The following RANBP9 variants were observed in gnomAD, a reference collection of about 807,000 sequenced individuals.
RANBP9 encodes RAN binding protein 9.
A neutral mutation model predicts 84.3 loss-of-function variants in RANBP9; 15 were observed. The observed-to-expected ratio is 0.18, with a 90% CI of 0.12 to 0.27. The LOEUF (loss-of-function observed/expected upper bound fraction) is 0.27. RANBP9 is among the 10% of genes least tolerant of loss of function. The pLI is 1.00. For synonymous variants in RANBP9, 392 were observed against 349.6 expected (o/e 1.12, Z -1.35); for missense variants, 809 against 912.8 (o/e 0.89, Z 1.46).
In RANBP9 at chr6:13,656,401, TAA is replaced by T. The variant is rs3839575; in HGVS notation, c.904+706_904+707del. Among the ~76,000 whole-genome samples, 13 of 149,008 alleles carry T rather than the reference TAA, an allele frequency of 8.7e-5. 1 individual carries two copies. Among genetic ancestry groups the T allele is most frequent in the Non-Finnish European group, 1.3e-4 (9 of 67,060 alleles). ...ATTATCCTTTATATTTTCTATAGTTTAAAAAAAAAAACTTCTAAGAAAATGGA... is the reference window on the plus strand; with the variant it reads ...ATTATCCTTTATATTTTCTATAGTTTAAAAAAAAACTTCTAAGAAAATGGA... On this transcript the variant is annotated intron_variant, in intron 4 of 13. Transcript: ENST00000011619.
intron 2 of RANBP9, among the ~76,000 whole-genome samples, chr6:13,690,951 G>A (rs1766309753): frequency 1.3e-5 from 2 of 152,076 alleles, no homozygotes; most frequent in African/African-American, 4.8e-5. Flanking sequence ...GGATCATTTT[G>A]AGGTCAGGAG....
chr6:13,680,935 C>T (rs1216692501), intron 2 of RANBP9, among the ~76,000 whole-genome samples: 1 of 151,880 alleles, frequency 6.6e-6, no homozygotes, highest in East Asian at 1.9e-4. Context: ...AAAAAATCCT[C>T]GAAGTATCTT....
Position 13,652,680 on chromosome 6 carries a change from A to T in RANBP9, c.906T>A (p.Gly302=). Residue 302 remains glycine (G), a splice_region_variant and synonymous_variant, in exon 5 of 14, where the codon GGT becomes GGA. Coordinates refer to ENST00000011619, the MANE Select transcript of RANBP9 (RefSeq NM_005493.3). The part of the protein sequence containing the change: ...CFYTKNGHSL[G]IAFTDLPPNL... ...TTACCGGTAGGTCAGTGAAAGCAATACCTAAAAAGAAAAAAAAAAGTGGCA... is the reference window on the plus strand; with the variant it reads ...TTACCGGTAGGTCAGTGAAAGCAATTCCTAAAAAGAAAAAAAAAAGTGGCA... 1 of 1,596,780 alleles carries T rather than the reference A, an allele frequency of 6.3e-7. No homozygotes were observed. The highest frequency in any genetic ancestry group is 8.6e-7 in the Non-Finnish European group (1 of 1,168,256).
At chr6:13,624,513 C>CT (rs1188993491) in intron 13 of RANBP9, among the ~76,000 whole-genome samples, 9 of 152,288 alleles carry the variant, frequency 5.9e-5, no homozygotes, top group Admixed American at 2.0e-4. Flanking sequence ...AAAACTCACT[C>CT]TTTATATAAA....
chr6:13,627,421 G>A (rs1481742501), intron 12 of RANBP9, among the ~76,000 whole-genome samples: 1 of 152,022 alleles, frequency 6.6e-6, no homozygotes, highest in Admixed American at 6.5e-5. Flanking sequence ...TTTGAGGCCA[G>A]GAGTTCAAGA....
intron 12 of RANBP9, among the ~76,000 whole-genome samples, chr6:13,631,477 G>A (rs79929076): frequency 0.017 from 2,544 of 152,132 alleles, 75 homozygotes; most frequent in African/African-American, 0.056. Flanking sequence ...GTATCATGTC[G>A]GCACTCTTAA....
In RANBP9 at chr6:13,633,864, A is replaced by G. The variant is rs560311131; in HGVS notation, c.1795+567T>C. 8.5e-5 allele frequency among the ~76,000 whole-genome samples: 13 copies of G among 152,274 alleles called. No homozygotes were observed. In the East Asian group the frequency reaches 9.6e-4, roughly 11 times the overall value. On this transcript the variant is annotated intron_variant, in intron 11 of 13. Transcript: ENST00000011619. ...GGGATAGTTTGCTGATGGGACAGGC[A>G]ATTTACTACTTAAGTTGTCTACAAA...
intron 2 of RANBP9, among the ~76,000 whole-genome samples, chr6:13,685,336 A>G (rs887182718): frequency 1.3e-5 from 2 of 152,236 alleles, no homozygotes. Context: ...TTAATCTCAT[A>G]GAAGAATGCT....
chr6:13,624,456 T>TA (rs1764544007), intron 13 of RANBP9, among the ~76,000 whole-genome samples: 1 of 152,288 alleles, frequency 6.6e-6, no homozygotes, highest in South Asian at 2.1e-4. Context: ...ACTTCTAAAC[T>TA]AGACTGGAGT....
chr6:13,625,168 G>T (rs1164042423), intron 13 of RANBP9, among the ~76,000 whole-genome samples: 1 of 152,078 alleles, frequency 6.6e-6, no homozygotes, highest in Non-Finnish European at 1.5e-5. Context: ...CCTAACTCTT[G>T]TGACAATTAT....
At chr6:13,640,863 T>C (rs527709443) in intron 8 of RANBP9, among the ~76,000 whole-genome samples, 1 of 152,266 alleles carries the variant, frequency 6.6e-6, no homozygotes, top group South Asian at 2.1e-4. Context: ...ATTTTATGTA[T>C]ATTTTACCAC....
intron 2 of RANBP9, among the ~76,000 whole-genome samples, chr6:13,684,666 T>C (rs1157044135): frequency 6.6e-6 from 1 of 152,192 alleles, no homozygotes; most frequent in Non-Finnish European, 1.5e-5. Flanking sequence ...TATCTATGTG[T>C]AGGATGACAC....
intron 2 of RANBP9, among the ~76,000 whole-genome samples, chr6:13,675,251 A>G (rs1214095901): frequency 1.3e-5 from 2 of 152,204 alleles, no homozygotes; most frequent in African/African-American, 4.8e-5. Flanking sequence ...TCACCAAAAC[A>G]GAACACATTC....
At chr6:13,683,210 G>A (rs1352884623) in intron 2 of RANBP9, among the ~76,000 whole-genome samples, 1 of 152,120 alleles carries the variant, frequency 6.6e-6, no homozygotes. Flanking sequence ...AAAAGGTCTA[G>A]GACCAACAGA....
intron 2 of RANBP9, among the ~76,000 whole-genome samples, chr6:13,664,060 T>A (rs931799093): frequency 2.6e-5 from 4 of 151,948 alleles, no homozygotes; most frequent in African/African-American, 4.8e-5. Flanking sequence ...ATAAAATGCA[T>A]AAAAATCAAA....
rs1315200123 is a variant in RANBP9 at position 13,708,714 on chromosome 6, A to C, written c.571+2221T>G. Among the ~76,000 whole-genome samples, 5 of 152,094 alleles carry C rather than the reference A, an allele frequency of 3.3e-5. No homozygotes were observed. In the South Asian group the frequency reaches 1.0e-3, roughly 32 times the overall value. On this transcript the variant is annotated intron_variant, in intron 1 of 13. Transcript: ENST00000011619. Reference sequence around the variant, plus strand: ...TAAAGTATTATCTACTCTCTATGATACTTCTCCTTTGCTACTGCTACTGCT... The same window carrying C: ...TAAAGTATTATCTACTCTCTATGATCCTTCTCCTTTGCTACTGCTACTGCT...
intron 2 of RANBP9, among the ~76,000 whole-genome samples, chr6:13,681,977 G>C (rs1463083273): frequency 6.6e-6 from 1 of 152,002 alleles, no homozygotes; most frequent in Non-Finnish European, 1.5e-5. Context: ...TCCTGCCTCA[G>C]CCTCCTGAGT....
intron 8 of RANBP9, 104 bp downstream of exon 8, chr6:13,641,095 C>T (rs945823846): frequency 5.3e-5 from 38 of 711,438 alleles, no homozygotes; most frequent in Non-Finnish European, 7.2e-5. Context: ...ACTTGAAAAA[C>T]GAAAAAAACT....
At chr6:13,625,283 A>G (rs536604682) in intron 13 of RANBP9, among the ~76,000 whole-genome samples, 2 of 152,148 alleles carry the variant, frequency 1.3e-5, no homozygotes, top group East Asian at 1.9e-4. Flanking sequence ...GCCTTTCACT[A>G]AAGAGGGCTG....
Sources: gnomAD v4.1 joint callset for allele counts (sites outside exome capture counted in the v4.1 genomes callset) on GRCh38, gnomAD v4.1.1 for gene constraint, MANE v1.5 for transcripts, NCBI Gene and HGNC (gene_info 2026-07-23, HGNC 2026-07-21) for gene names.